Variants in PDE1C observed in about 807,000 individuals in gnomAD.
PDE1C encodes the protein phosphodiesterase 1C.
Under a neutral mutation model 93.1 loss-of-function variants are expected in PDE1C, and 62 were observed. The observed-to-expected ratio is 0.67, with a 90% CI of 0.54 to 0.82. The LOEUF (loss-of-function observed/expected upper bound fraction) is 0.82. Among genes scored for constraint, PDE1C ranks in the 40% least tolerant of loss-of-function variants. PDE1C has a pLI of 0.00. For synonymous variants in PDE1C, 325 were observed against 310.1 expected, an observed-to-expected ratio of 1.05 and a Z score of -0.50; for missense variants, 742 against 884.6, an observed-to-expected ratio of 0.84 and a Z score of 2.04.
chr7:31,725,149 C>A, the PDE1C span, among the ~76,000 whole-genome samples: 666 of 152,138 alleles, frequency 4.4e-3, 18 homozygotes, highest in Non-Finnish European at 1.4e-3. Context: ...CCTTGCCACC[C>A]GCATCTCCCA....
At chr7:31,686,918 C>T in the PDE1C span, 1 of 152,174 alleles carries the variant, frequency 6.6e-6, no homozygotes, top group African/African-American at 2.4e-5. Flanking sequence ...TATCACTTAA[C>T]TTCTTGTGCC....
chr7:31,862,894 T>C (rs1441959597), intron 7 of PDE1C, among the ~76,000 whole-genome samples: 1 of 152,224 alleles, frequency 6.6e-6, no homozygotes, highest in Non-Finnish European at 1.5e-5. Flanking sequence ...GTATGTATTG[T>C]AATATCTAAG....
rs1794908906 is a variant in PDE1C, at chr7:31,762,667, A to T, written c.1961-9114T>A. On this transcript the variant is annotated intron_variant, in intron 17 of 17. Transcript: ENST00000396191. ...ATTACCTACATTTTTAAAGACCCAG[A>T]TTCTCCAAGGACTTTACCTCAAGAA... Among the ~76,000 whole-genome samples the T allele has an allele frequency of 2.6e-5, 4 of 152,240 alleles. 1 individual carries two copies. In the South Asian group the frequency reaches 8.3e-4, roughly 32 times the overall value.
At position 32,341,173 on chromosome 7, in the gene PDE1C, C is replaced by CTTTTTTTTTTTTTTTTTT. The variant is rs3079623; in HGVS notation, c.310+86631_310+86648dup. Among the ~76,000 whole-genome samples, 30 of 84,940 alleles carry CTTTTTTTTTTTTTTTTTT rather than the reference C, an allele frequency of 3.5e-4. 1 individual carries two copies. The highest frequency in any genetic ancestry group is 6.0e-4 in the South Asian group (1 of 1,674). 55.7% of individuals were successfully genotyped at this position (84,940 alleles called of 152,430 possible). ...CCTAAAACTACTCTAGAAATAAAGT[C>CTTTTTTTTTTTTTTTTTT]TTTTTTTTTTTTTTTTTTTTGAGAC... is the stretch of plus-strand genomic sequence containing the variant. On this transcript the variant is annotated intron_variant, in intron 1 of 1. Coordinates refer to the PDE1C transcript ENST00000672256.
chr7:32,335,843 C>T (rs1783608764), intron 1 of PDE1C, among the ~76,000 whole-genome samples: 1 of 152,136 alleles, frequency 6.6e-6, no homozygotes, highest in South Asian at 2.1e-4. Context: ...ATCCTCCCAC[C>T]TCAGCCTCCC....
At chr7:32,049,164 T>C (rs1382924223) in intron 2 of PDE1C, among the ~76,000 whole-genome samples, 1 of 152,196 alleles carries the variant, frequency 6.6e-6, no homozygotes, top group Non-Finnish European at 1.5e-5. Flanking sequence ...TACATCCTGC[T>C]CAGTGGTTCA....
intron 1 of PDE1C, among the ~76,000 whole-genome samples, chr7:32,279,846 A>T (rs1180671576): frequency 6.6e-6 from 1 of 152,176 alleles, no homozygotes; most frequent in Non-Finnish European, 1.5e-5. Flanking sequence ...TAAGGGCAAA[A>T]ACCTAATTTC....
the PDE1C span, among the ~76,000 whole-genome samples, chr7:31,650,893 C>T: frequency 1.2e-4 from 19 of 152,158 alleles, no homozygotes; most frequent in African/African-American, 4.6e-4. Flanking sequence ...GCCTTCCAGC[C>T]TCTGGGACAC....
At chr7:32,167,631 G>C (rs1293199760) in intron 3 of PDE1C, among the ~76,000 whole-genome samples, 2 of 152,128 alleles carry the variant, frequency 1.3e-5, no homozygotes, top group Non-Finnish European at 2.9e-5. Context: ...AATAGTGAGG[G>C]ACAAGAACCC....
chr7:32,350,577 TA>T (rs1562686607), intron 1 of PDE1C, among the ~76,000 whole-genome samples: 49 of 712 alleles, frequency 0.069, no homozygotes, highest in Admixed American at 0.1. Context: ...TATATATATA[TA>T]TATATATATA....
At chr7:32,046,227 A>C (rs1230440817) in intron 2 of PDE1C, among the ~76,000 whole-genome samples, 1 of 150,880 alleles carries the variant, frequency 6.6e-6, no homozygotes, top group East Asian at 1.9e-4. Context: ...AAAAAAAAAG[A>C]AAGCCTAAAA....
chr7:31,663,280 G>A, the PDE1C span, among the ~76,000 whole-genome samples: 2 of 152,198 alleles, frequency 1.3e-5, no homozygotes, highest in Non-Finnish European at 2.9e-5. Context: ...CTCTACTGCT[G>A]TAGCTGCTAT....
chr7:32,320,622 TACAC>T (rs58913478), intron 1 of PDE1C, among the ~76,000 whole-genome samples: 16,168 of 149,614 alleles, frequency 0.11, 940 homozygotes, highest in African/African-American at 0.14. Flanking sequence ...GGCACACACA[TACAC>T]ACACACACAC....
At chr7:31,907,490 C>T (rs117502379) in intron 2 of PDE1C, among the ~76,000 whole-genome samples, 1,596 of 152,176 alleles carry the variant, frequency 0.01, 15 homozygotes, top group Non-Finnish European at 0.019. Flanking sequence ...CTGTGAGCAA[C>T]GATGGGAATG....
At chr7:31,989,035 G>A (rs140606349) in intron 2 of PDE1C, among the ~76,000 whole-genome samples, 5,613 of 131,864 alleles carry the variant, frequency 0.043, 125 homozygotes, top group South Asian at 0.094. Context: ...GAGAGAAAGA[G>A]AGAAAGGAAA....
chr7:31,652,523 G>A, the PDE1C span: 2 of 1,594,556 alleles, frequency 1.3e-6, no homozygotes, highest in South Asian at 2.3e-5. Context: ...TTTAGCAGCT[G>A]GAGGTTCTCA....
chr7:32,282,485 A>AATAGATAGCTAGATAGATAGATAGAAAG (rs376678996), intron 1 of PDE1C, among the ~76,000 whole-genome samples: 1 of 143,860 alleles, frequency 7.0e-6, no homozygotes, highest in Non-Finnish European at 1.5e-5. Flanking sequence ...TCAAAAAAAA[A>AATAGATAGCTAGATAGATAGATAGAAAG]ATAGATAGAT....
chr7:31,664,313 A>T, the PDE1C span, among the ~76,000 whole-genome samples: 2 of 148,420 alleles, frequency 1.3e-5, no homozygotes, highest in Non-Finnish European at 2.9e-5. Flanking sequence ...TTGAGATTTA[A>T]TATTGCTTTG....
chr7:32,406,017 T>G (rs1785044411), intron 1 of PDE1C, among the ~76,000 whole-genome samples: 2 of 152,156 alleles, frequency 1.3e-5, no homozygotes, highest in Non-Finnish European at 2.9e-5. Flanking sequence ...TCCATTACAG[T>G]CCTTGGTAAA....
Sources: gnomAD v4.1 joint callset for allele counts (sites outside exome capture counted in the v4.1 genomes callset) on GRCh38, gnomAD v4.1.1 for gene constraint, MANE v1.5 for transcripts, NCBI Gene and HGNC (gene_info 2026-07-23, HGNC 2026-07-21) for gene names.